TNKS: variants seen among roughly 807,000 people sequenced by gnomAD.
TNKS encodes the protein poly [ADP-ribose] polymerase tankyrase-1.
A neutral mutation model predicts 135.8 loss-of-function variants in TNKS; 72 were observed. The observed-to-expected ratio is 0.53, with a 90% CI of 0.44 to 0.64. The LOEUF is 0.64. TNKS is among the 30% of genes least tolerant of loss of function. The pLI, the probability that TNKS is intolerant of heterozygous loss-of-function variation, is 0.00. For missense variants in TNKS, 1,769 were observed against 1,674.0 expected (o/e 1.06, Z -0.99); for synonymous variants, 849 against 649.3 (o/e 1.31, Z -4.68).
intron 3 of TNKS, among the ~76,000 whole-genome samples, chr8:9,624,982 G>A (rs1387112021): frequency 1.3e-5 from 2 of 152,036 alleles, no homozygotes; most frequent in Non-Finnish European, 2.9e-5. Flanking sequence ...ATCCATAAAT[G>A]CAGAACCCAC....
intron 12 of TNKS, 42 bp downstream of exon 12, chr8:9,720,587 T>C: frequency 1.3e-6 from 2 of 1,567,464 alleles, no homozygotes; most frequent in Middle Eastern, 1.9e-4. Context: ...TGTTTTCTCT[T>C]CCATCCCTGC....
At chr8:9,595,945 C>G (rs1016483916) in intron 2 of TNKS, among the ~76,000 whole-genome samples, 2 of 152,056 alleles carry the variant, frequency 1.3e-5, no homozygotes, top group African/African-American at 2.4e-5. Context: ...GATCCTGTCT[C>G]TACAAAAAAT....
chr8:9,619,728 C>G lies in TNKS; in HGVS notation c.994+4051C>G, dbSNP rs932049506. 7.9e-5 allele frequency among the ~76,000 whole-genome samples: 12 copies of G among 151,512 alleles called. 1 individual carries two copies. Among genetic ancestry groups the G allele is most frequent in the African/African-American group, 2.9e-4 (12 of 41,248 alleles). On this transcript the variant is annotated intron_variant, in intron 3 of 26. Coordinates refer to ENST00000310430, the MANE Select transcript of TNKS (RefSeq NM_003747.3). ...CAGGCCACCGGCAATATTGAGGTGT[C>G]TGGTGTGTTCTTGCTGAGACTGGCT... is the stretch of plus-strand genomic sequence containing the variant.
At chr8:9,613,075 G>T (rs761754882) in intron 2 of TNKS, among the ~76,000 whole-genome samples, 2 of 152,146 alleles carry the variant, frequency 1.3e-5, no homozygotes, top group Non-Finnish European at 1.5e-5. Context: ...GGCACACTCA[G>T]TGTAACTTTT....
rs922153381 is a variant in TNKS, at chr8:9,744,353, A to C, written c.2644-3671A>C. On this transcript the variant is annotated intron_variant, in intron 17 of 26. Coordinates refer to ENST00000310430, the MANE Select transcript of TNKS (RefSeq NM_003747.3). Reference sequence around the variant, plus strand: ...CAATTGACTGATTCATTTTCTCTCAACTGTTTTTATTTTCCAGTGCTTTCT... The same window carrying C: ...CAATTGACTGATTCATTTTCTCTCACCTGTTTTTATTTTCCAGTGCTTTCT... 5.3e-5 allele frequency among the ~76,000 whole-genome samples: 8 copies of C among 152,192 alleles called. 1 individual carries two copies. In the South Asian group the frequency reaches 1.0e-3, roughly 20 times the overall value.
At chr8:9,772,831 C>CTGTGTGTGTGTGTGTGTGTCTG (rs1808004840) in intron 26 of TNKS, among the ~76,000 whole-genome samples, 1 of 119,034 alleles carries the variant, frequency 8.4e-6, no homozygotes, top group Non-Finnish European at 1.7e-5. Flanking sequence ...GTGTGTGTGT[C>CTGTGTGTGTGTGTGTGTGTCTG]TGTGTGTGTG....
chr8:9,645,055 A>C (rs1800870390), intron 3 of TNKS, among the ~76,000 whole-genome samples: 1 of 152,184 alleles, frequency 6.6e-6, no homozygotes, highest in Non-Finnish European at 1.5e-5. Context: ...TATTACACAA[A>C]GTTAAACCAG....
chr8:9,778,374 CCTT>C lies in TNKS; in HGVS notation c.*1639_*1641del, dbSNP rs2128846521. The C allele has an allele frequency of 6.6e-6, 1 of 152,546 alleles. No homozygotes were observed. Among genetic ancestry groups the C allele is most frequent in the South Asian group, 2.1e-4 (1 of 4,822 alleles). The allele number at this position is 152,546 out of a possible 1,614,324, so 9.4% of individuals were successfully genotyped here. A position where few individuals can be genotyped will look rare whatever the true frequency, so the allele number is the denominator to read the frequency against. ...ATGCAAGGTGATTAAGCTGTGACCTCCTTTAATCTCCTGAAGCAAAATAAAATG... is the reference window on the plus strand; with the variant it reads ...ATGCAAGGTGATTAAGCTGTGACCTCTAATCTCCTGAAGCAAAATAAAATG... On this transcript the variant is annotated 3_prime_UTR_variant, in exon 27 of 27. Coordinates refer to ENST00000310430, the MANE Select transcript of TNKS (RefSeq NM_003747.3).
chr8:9,741,526 C>T, intron 17 of TNKS: 1 of 216,774 alleles, frequency 4.6e-6, no homozygotes, highest in Admixed American at 4.8e-5. Flanking sequence ...CCTTTTGATC[C>T]TCATTCTTCT....
intron 15 of TNKS, among the ~76,000 whole-genome samples, chr8:9,734,623 C>A (rs1805597317): frequency 6.6e-6 from 1 of 152,196 alleles, no homozygotes; most frequent in Non-Finnish European, 1.5e-5. Flanking sequence ...CTCAAAGATA[C>A]TTAACACTCT....
At chr8:9,620,387 G>C (rs923992559) in intron 3 of TNKS, among the ~76,000 whole-genome samples, 1 of 152,184 alleles carries the variant, frequency 6.6e-6, no homozygotes, top group South Asian at 2.1e-4. Flanking sequence ...TCTGTTTCAC[G>C]ACAGCAGTAG....
At chr8:9,766,852 T>C (rs1480226052) in intron 25 of TNKS, among the ~76,000 whole-genome samples, 2 of 152,104 alleles carry the variant, frequency 1.3e-5, no homozygotes, top group Non-Finnish European at 2.9e-5. Flanking sequence ...GTAAATCCCG[T>C]TGGTTCTGGG....
At chr8:9,667,422 C>T (rs1802046396) in intron 3 of TNKS, among the ~76,000 whole-genome samples, 1 of 152,134 alleles carries the variant, frequency 6.6e-6, no homozygotes, top group South Asian at 2.1e-4. Context: ...GATGCTTGGC[C>T]CCTGGATGCG....
At chr8:9,563,743 G>A (rs564361063) in intron 1 of TNKS, among the ~76,000 whole-genome samples, 1 of 152,052 alleles carries the variant, frequency 6.6e-6, no homozygotes, top group Non-Finnish European at 1.5e-5. Flanking sequence ...TTTAGCTAGT[G>A]TTAAAATAAT....
intron 2 of TNKS, among the ~76,000 whole-genome samples, chr8:9,607,230 TAA>T (rs781347628): frequency 1.3e-5 from 2 of 152,312 alleles, no homozygotes; most frequent in Non-Finnish European, 1.5e-5. Context: ...AAAATAATCC[TAA>T]GAGTGGAATC....
rs1303873230 is a variant in TNKS at position 9,775,476 on chromosome 8, T to C, written c.3898-1174T>C. ...GAATGGTTCTATATATATATATATA[T>C]ATATATATATATATATATATATATA... On this transcript the variant is annotated intron_variant, in intron 26 of 26. Transcript: ENST00000310430. 3.8e-5 allele frequency among the ~76,000 whole-genome samples: 5 copies of C among 131,746 alleles called. No individual in the cohort carries two copies. The South Asian group carries it at 1.2e-3, about 31-fold the overall frequency. 86.4% of individuals were successfully genotyped at this position (131,746 alleles called of 152,430 possible).
At chr8:9,646,285 A>T (rs983943172) in intron 3 of TNKS, among the ~76,000 whole-genome samples, 2 of 151,924 alleles carry the variant, frequency 1.3e-5, no homozygotes, top group African/African-American at 4.8e-5. Context: ...TAGTTCTTGC[A>T]TGTCTTTCTT....
chr8:9,587,271 G>C (rs940581176), intron 2 of TNKS, among the ~76,000 whole-genome samples: 1 of 152,108 alleles, frequency 6.6e-6, no homozygotes, highest in Admixed American at 6.6e-5. Context: ...ACCATTGGTG[G>C]CTTTGAAAAG....
chr8:9,775,731 G>A (rs972685194), intron 26 of TNKS, among the ~76,000 whole-genome samples: 5 of 151,214 alleles, frequency 3.3e-5, no homozygotes, highest in Non-Finnish European at 5.9e-5. Flanking sequence ...ATCTTATCCT[G>A]TATCTATATG....
Sources: allele counts gnomAD v4.1 joint callset (sites outside exome capture counted in the v4.1 genomes callset), GRCh38; gene constraint gnomAD v4.1.1; transcripts MANE v1.5; gene names NCBI Gene and HGNC (gene_info 2026-07-23, HGNC 2026-07-21).